Variants in GRIN2A observed in about 807,000 individuals in gnomAD.
GRIN2A encodes glutamate ionotropic receptor NMDA type subunit 2A, also known as glutamate receptor ionotropic, NMDA 2A.
A neutral mutation model predicts 113.4 loss-of-function variants in GRIN2A; 22 were observed. The observed-to-expected ratio is 0.19, with a 90% CI of 0.14 to 0.28. GRIN2A has a LOEUF of 0.28. GRIN2A is among the 10% of genes least tolerant of loss of function. The pLI, the probability that GRIN2A is intolerant of heterozygous loss-of-function variation, is 1.00. For missense variants in GRIN2A, 1,502 were observed against 1,887.0 expected (o/e 0.80, Z 3.78); for synonymous variants, 827 against 738.4 (o/e 1.12, Z -1.94).
In GRIN2A at chr16:9,768,040, AT is replaced by A. The variant is rs891532441; in HGVS notation, c.2595+810del. 5.9e-5 allele frequency among the ~76,000 whole-genome samples: 9 copies of A among 151,852 alleles called. No individual in the cohort carries two copies. The East Asian group carries it at 1.5e-3, about 26-fold the overall frequency. ...GCTCTGTCTGGCCCAGTGTTTTTAA[AT>A]TTTTTTTTATTTTTTGTTTTTATTT... On this transcript the variant is annotated intron_variant, in intron 12 of 12. Transcript: ENST00000330684.
chr16:9,993,895 C>A (rs983815634), intron 2 of GRIN2A, among the ~76,000 whole-genome samples: 1 of 152,190 alleles, frequency 6.6e-6, no homozygotes, highest in Non-Finnish European at 1.5e-5. Flanking sequence ...GTTTTTGCTC[C>A]TGGCTCAGAT....
intron 2 of GRIN2A, among the ~76,000 whole-genome samples, chr16:10,059,161 T>C (rs2047506785): frequency 6.6e-6 from 1 of 152,134 alleles, no homozygotes; most frequent in Non-Finnish European, 1.5e-5. Context: ...GCGACAAAGA[T>C]GGAGCAGCTG....
chr16:9,915,908 A>C (rs748846087), intron 3 of GRIN2A, among the ~76,000 whole-genome samples: 2 of 152,234 alleles, frequency 1.3e-5, no homozygotes, highest in African/African-American at 4.8e-5. Context: ...GACACACTCT[A>C]GGCACTTGAT....
rs773324954 is a variant in GRIN2A, at chr16:9,760,032, T to C, written c.*3117A>G. ...GAGGACTAGTTGGGTCCTTCTCAAG[T>C]GGGGAAAACCAATTAGAATTAACAA... is the stretch of plus-strand genomic sequence containing the variant. On this transcript the variant is annotated 3_prime_UTR_variant, in exon 13 of 13. Transcript: ENST00000330684. 4.3e-6 allele frequency: 1 copy of C among 230,196 alleles called. No homozygotes were observed. The highest frequency in any genetic ancestry group is 8.6e-6 in the Non-Finnish European group (1 of 116,224). 14.3% of individuals were successfully genotyped at this position (230,196 alleles called of 1,614,324 possible).
chr16:9,808,545 A>G (rs772687035), intron 10 of GRIN2A, among the ~76,000 whole-genome samples: 2 of 152,226 alleles, frequency 1.3e-5, no homozygotes, highest in South Asian at 2.1e-4. Context: ...GGTACTTTCC[A>G]TAAGTCAACT....
intron 2 of GRIN2A, among the ~76,000 whole-genome samples, chr16:10,069,159 G>C (rs1487299831): frequency 6.6e-6 from 1 of 152,208 alleles, no homozygotes; most frequent in African/African-American, 2.4e-5. Flanking sequence ...TGAAGTAGGG[G>C]AGGAGTAGAG....
At chr16:10,001,209 T>C (rs541552279) in intron 2 of GRIN2A, among the ~76,000 whole-genome samples, 2 of 152,260 alleles carry the variant, frequency 1.3e-5, no homozygotes, top group East Asian at 3.9e-4. Context: ...TCTATGAGTC[T>C]ATACAAAGAG....
At chr16:10,068,497 T>C (rs1320110640) in intron 2 of GRIN2A, among the ~76,000 whole-genome samples, 1 of 152,146 alleles carries the variant, frequency 6.6e-6, no homozygotes, top group African/African-American at 2.4e-5. Context: ...CACTTTTAAA[T>C]GACCAGATCT....
chr16:10,131,998 A>T (rs529726313), intron 2 of GRIN2A, among the ~76,000 whole-genome samples: 1 of 152,296 alleles, frequency 6.6e-6, no homozygotes, highest in African/African-American at 2.4e-5. Context: ...AAAAAAAAGT[A>T]TTATAATCCC....
At chr16:10,067,900 G>A (rs1339268425) in intron 2 of GRIN2A, among the ~76,000 whole-genome samples, 1 of 152,226 alleles carries the variant, frequency 6.6e-6, no homozygotes, top group Non-Finnish European at 1.5e-5. Context: ...GGTCCCAAAT[G>A]TCATGATGCC....
intron 2 of GRIN2A, among the ~76,000 whole-genome samples, chr16:9,971,894 G>C (rs919142635): frequency 6.6e-6 from 1 of 152,156 alleles, no homozygotes; most frequent in Non-Finnish European, 1.5e-5. Flanking sequence ...ATGGAAGAAG[G>C]GCTCATCATA....
At chr16:10,011,522 A>G (rs993081333) in intron 2 of GRIN2A, among the ~76,000 whole-genome samples, 5 of 152,120 alleles carry the variant, frequency 3.3e-5, no homozygotes, top group African/African-American at 9.7e-5. Flanking sequence ...AACATTTCCA[A>G]CACAGGAGGA....
intron 11 of GRIN2A, among the ~76,000 whole-genome samples, chr16:9,788,740 C>CTTCT (rs1555486808): frequency 4.8e-5 from 5 of 104,872 alleles, no homozygotes; most frequent in East Asian, 2.4e-4. Flanking sequence ...TTTAAGTCTT[C>CTTCT]TTTTTTTTTT....
At chr16:10,061,371 G>A (rs948336393) in intron 2 of GRIN2A, among the ~76,000 whole-genome samples, 1 of 152,142 alleles carries the variant, frequency 6.6e-6, no homozygotes, top group Admixed American at 6.5e-5. Context: ...TTTTGTTTTA[G>A]CATTTCCAGG....
At chr16:10,090,476 T>C (rs2048165979) in intron 2 of GRIN2A, among the ~76,000 whole-genome samples, 1 of 152,090 alleles carries the variant, frequency 6.6e-6, no homozygotes, top group African/African-American at 2.4e-5. Context: ...AAATTTGATA[T>C]CAATATGTGA....
chr16:9,823,985 T>G (rs1038054899), intron 9 of GRIN2A, among the ~76,000 whole-genome samples: 1 of 152,184 alleles, frequency 6.6e-6, no homozygotes, highest in African/African-American at 2.4e-5. Context: ...TCCACAGAAC[T>G]AAGAACCGCC....
chr16:10,058,041 G>A (rs1201801876), intron 2 of GRIN2A, among the ~76,000 whole-genome samples: 1 of 152,120 alleles, frequency 6.6e-6, no homozygotes, highest in Non-Finnish European at 1.5e-5. Flanking sequence ...GATCACTCGA[G>A]GTCAGGAGTT....
At chr16:9,994,729 C>T (rs1006682891) in intron 2 of GRIN2A, among the ~76,000 whole-genome samples, 7 of 152,180 alleles carry the variant, frequency 4.6e-5, no homozygotes, top group East Asian at 3.8e-4. Flanking sequence ...GAGGTACCTG[C>T]GTCACCACAG....
chr16:9,858,498 CT>C (rs1204968564), intron 4 of GRIN2A, among the ~76,000 whole-genome samples: 1 of 151,762 alleles, frequency 6.6e-6, no homozygotes, highest in Non-Finnish European at 1.5e-5. Flanking sequence ...GGTGATAAGC[CT>C]TTGAGTGTTT....
Sources: allele counts gnomAD v4.1 joint callset (sites outside exome capture counted in the v4.1 genomes callset), GRCh38; gene constraint gnomAD v4.1.1; transcripts MANE v1.5; gene names NCBI Gene and HGNC (gene_info 2026-07-23, HGNC 2026-07-21).